RBFOX3: variants seen among roughly 807,000 people sequenced by gnomAD.
RBFOX3 encodes RNA binding fox-1 homolog 3.
RBFOX3 carries 17 observed loss-of-function variants against 48.7 expected under a neutral mutation model. The ratio of observed to expected loss-of-function variants is 0.35; its 90% confidence interval spans 0.24 to 0.52. The LOEUF is 0.52. RBFOX3 is among the 20% of genes least tolerant of loss of function. The pLI is 0.94. For synonymous variants in RBFOX3, 212 were observed against 209.5 expected (o/e 1.01, Z -0.10); for missense variants, 382 against 497.5 (o/e 0.77, Z 2.21).
the RBFOX3 span, among the ~76,000 whole-genome samples, chr17:79,638,750 A>G: frequency 6.6e-6 from 1 of 152,150 alleles, no homozygotes; most frequent in African/African-American, 2.4e-5. Context: ...TGGTTGTTAT[A>G]AAGAGCCTGG....
the RBFOX3 span, among the ~76,000 whole-genome samples, chr17:79,635,886 G>A: frequency 6.6e-6 from 1 of 152,176 alleles, no homozygotes; most frequent in African/African-American, 2.4e-5. Context: ...AAGTGTCAAA[G>A]TGGCAAAAAT....
intron 1 of RBFOX3, among the ~76,000 whole-genome samples, chr17:79,525,164 G>A (rs1486386665): frequency 6.6e-6 from 1 of 152,162 alleles, no homozygotes; most frequent in African/African-American, 2.4e-5. Context: ...TAGTTGTGGG[G>A]CCGTCCTGTG....
intron 4 of RBFOX3, among the ~76,000 whole-genome samples, chr17:79,186,641 G>A (rs1000413832): frequency 2.6e-5 from 4 of 151,996 alleles, no homozygotes; most frequent in African/African-American, 9.7e-5. Context: ...GCTGCGTGCT[G>A]GGAAGAGCTG....
In RBFOX3 at chr17:79,222,061, CTGCCTGATTTCTACCCGT is replaced by C. The variant is rs1406779675; in HGVS notation, c.-34+13687_-34+13704del. 5.3e-5 allele frequency among the ~76,000 whole-genome samples: 8 copies of C among 152,300 alleles called. No homozygotes were observed. The East Asian group carries it at 1.3e-3, about 26-fold the overall frequency. ...CCAGAGCCGATGCCATAGGGACCTGCTGCCTGATTTCTACCCGTTGCCTGATTTCTACCCATTGCCTGA... is the reference window on the plus strand; with the variant it reads ...CCAGAGCCGATGCCATAGGGACCTGCTGCCTGATTTCTACCCATTGCCTGA... On this transcript the variant is annotated intron_variant, in intron 4 of 14. Transcript: ENST00000693108.
chr17:79,275,092 C>A (rs1422070806), intron 3 of RBFOX3, among the ~76,000 whole-genome samples: 1 of 150,868 alleles, frequency 6.6e-6, no homozygotes, highest in African/African-American at 2.4e-5. Flanking sequence ...TGCCTCTACA[C>A]CCCTTCTCTC....
At position 79,420,309 on chromosome 17, in the gene RBFOX3, T is replaced by C. The variant is rs530355066; in HGVS notation, c.-175+62145A>G. Among the ~76,000 whole-genome samples the C allele has an allele frequency of 4.5e-4, 68 of 152,344 alleles. 1 individual carries two copies. Among genetic ancestry groups the C allele is most frequent in the African/African-American group, 1.6e-3 (66 of 41,586 alleles). On this transcript the variant is annotated intron_variant, in intron 2 of 14. Coordinates refer to ENST00000693108, the MANE Select transcript of RBFOX3 (RefSeq NM_001350451.2). The stretch of plus-strand genomic sequence containing the variant: ...GTTTCTGAGTGCATTTCAAATCTAC[T>C]GCCATTTTTAAAAATACTTGTTTAT...
intron 2 of RBFOX3, among the ~76,000 whole-genome samples, chr17:79,348,140 A>C (rs1023501087): frequency 6.6e-6 from 1 of 152,180 alleles, no homozygotes; most frequent in Non-Finnish European, 1.5e-5. Context: ...GAAATAGTGC[A>C]GTCTCCTGGT....
chr17:79,141,091 G>A (rs1288079566), intron 4 of RBFOX3, among the ~76,000 whole-genome samples: 1 of 152,256 alleles, frequency 6.6e-6, no homozygotes, highest in Non-Finnish European at 1.5e-5. Flanking sequence ...GGTGGCAGCT[G>A]CCTGGTAAAC....
intron 4 of RBFOX3, among the ~76,000 whole-genome samples, chr17:79,182,953 C>T (rs1354789893): frequency 3.3e-5 from 5 of 150,216 alleles, no homozygotes; most frequent in South Asian, 2.1e-4. Context: ...AGAACCCCCG[C>T]CCCCTCCCCT....
At chr17:79,153,952 G>C (rs2045177385) in intron 4 of RBFOX3, among the ~76,000 whole-genome samples, 1 of 152,202 alleles carries the variant, frequency 6.6e-6, no homozygotes, top group South Asian at 2.1e-4. Flanking sequence ...GAGGGGATGG[G>C]AGGGGCGGGC....
Position 79,200,579 on chromosome 17 carries a change from G to A in RBFOX3, c.-34+35187C>T, listed in dbSNP as rs934825968. On this transcript the variant is annotated intron_variant, in intron 4 of 14. Transcript: ENST00000693108. ...CCCACACCACCTGGCTCCTTGCAGC[G>A]CCAGAGGAGAGCTGTTCAGGGAGGG... 5.3e-5 allele frequency among the ~76,000 whole-genome samples: 8 copies of A among 152,218 alleles called. 1 individual carries two copies. Among genetic ancestry groups the A allele is most frequent in the Admixed American group, 2.6e-4 (4 of 15,284 alleles).
intron 2 of RBFOX3, among the ~76,000 whole-genome samples, chr17:79,451,110 C>T (rs1379365198): frequency 6.6e-6 from 1 of 152,130 alleles, no homozygotes; most frequent in African/African-American, 2.4e-5. Context: ...CCCTTCCTCT[C>T]GCCTGCCTTG....
chr17:79,278,672 G>T lies in RBFOX3; in HGVS notation c.-74+29052C>A, dbSNP rs145842551. On this transcript the variant is annotated intron_variant, in intron 3 of 14. Coordinates refer to ENST00000693108, the MANE Select transcript of RBFOX3 (RefSeq NM_001350451.2). ...CCCGCACGGCTTGTGTCTCTGTCTGGTGTCCAGGTGCAGCCTCACACGAAA... is the reference window on the plus strand; with the variant it reads ...CCCGCACGGCTTGTGTCTCTGTCTGTTGTCCAGGTGCAGCCTCACACGAAA... Among the ~76,000 whole-genome samples, 613 of 152,360 alleles carry T rather than the reference G, an allele frequency of 4.0e-3. 4 individuals carry two copies. The highest frequency in any genetic ancestry group is 0.013 in the African/African-American group (531 of 41,584).
chr17:79,120,688 G>T (rs962449072), intron 4 of RBFOX3, among the ~76,000 whole-genome samples: 36 of 137,170 alleles, frequency 2.6e-4, no homozygotes, highest in African/African-American at 8.6e-4. Flanking sequence ...ATGGTTGGAT[G>T]GATAGATGGG....
intron 2 of RBFOX3, among the ~76,000 whole-genome samples, chr17:79,343,920 G>A (rs1305924244): frequency 6.6e-6 from 1 of 152,154 alleles, no homozygotes; most frequent in Non-Finnish European, 1.5e-5. Flanking sequence ...CTGCCCACAG[G>A]TCGGCTGCAT....
intron 1 of RBFOX3, among the ~76,000 whole-genome samples, chr17:79,529,311 C>T (rs1244094610): frequency 6.6e-6 from 1 of 152,228 alleles, no homozygotes; most frequent in South Asian, 2.1e-4. Context: ...ACCCATCACC[C>T]CACCGCATCA....
chr17:79,352,584 T>C (rs1416318706), intron 2 of RBFOX3, among the ~76,000 whole-genome samples: 4 of 152,310 alleles, frequency 2.6e-5, no homozygotes, highest in South Asian at 4.1e-4. Flanking sequence ...TCAGATCACA[T>C]CCCCAACTTA....
At chr17:79,654,459 T>C in the RBFOX3 span, among the ~76,000 whole-genome samples, 36 of 152,334 alleles carry the variant, frequency 2.4e-4, no homozygotes, top group East Asian at 4.2e-3. Flanking sequence ...GGCTGGGGCA[T>C]GTCTAAAAGA....
intron 1 of RBFOX3, among the ~76,000 whole-genome samples, chr17:79,546,371 G>A (rs770923659): frequency 6.6e-6 from 1 of 152,164 alleles, no homozygotes; most frequent in East Asian, 1.9e-4. Context: ...TCAGATGAAC[G>A]TCATCACCAG....
Sources: gnomAD v4.1 joint callset for allele counts (sites outside exome capture counted in the v4.1 genomes callset) on GRCh38, gnomAD v4.1.1 for gene constraint, MANE v1.5 for transcripts, NCBI Gene and HGNC (gene_info 2026-07-23, HGNC 2026-07-21) for gene names.